PKD1L1: variants seen among roughly 807,000 people sequenced by gnomAD.
PKD1L1 encodes polycystin 1 like 1, transient receptor potential channel interacting, also known as polycystin-1-like protein 1.
In PKD1L1, 236 loss-of-function variants were observed where a neutral mutation model predicts 323.4. The observed-to-expected ratio is 0.73, with a 90% CI of 0.66 to 0.81. The LOEUF is 0.81. Among genes scored for constraint, PKD1L1 ranks in the 40% least tolerant of loss-of-function variants. The pLI is 0.00. For missense variants in PKD1L1, 3,320 were observed against 3,508.0 expected, an observed-to-expected ratio of 0.95 and a Z score of 1.35; for synonymous variants, 1,344 against 1,335.0, an observed-to-expected ratio of 1.01 and a Z score of -0.15.
intron 31 of PKD1L1, among the ~76,000 whole-genome samples, chr7:47,848,164 T>C (rs1267873562): frequency 1.3e-5 from 2 of 152,142 alleles, no homozygotes; most frequent in Non-Finnish European, 2.9e-5. Flanking sequence ...TGACAATACT[T>C]ACCAAAACCA....
Position 47,775,108 on chromosome 7 carries a change from A to G in PKD1L1, c.*35T>C, listed in dbSNP as rs1178931928. 1.9e-6 allele frequency: 3 copies of G among 1,607,352 alleles called. No individual in the cohort carries two copies. Among genetic ancestry groups the G allele is most frequent in the Non-Finnish European group, 2.5e-6 (3 of 1,177,192 alleles). Reference sequence around the variant, plus strand: ...GGCTGTTGGGTGGGTTAAGCAAAACAGGGTCCATAGTGCCTATGCAAGGTA... The same window carrying G: ...GGCTGTTGGGTGGGTTAAGCAAAACGGGGTCCATAGTGCCTATGCAAGGTA... On this transcript the variant is annotated 3_prime_UTR_variant, in exon 57 of 57. Transcript: ENST00000289672.
intron 6 of PKD1L1, 28 bp from the exon 7 acceptor site, chr7:47,929,554 T>C: frequency 6.3e-7 from 1 of 1,579,298 alleles, no homozygotes; most frequent in Non-Finnish European, 8.6e-7. Flanking sequence ...AGGCTTCAGA[T>C]TTCATGACAG....
At chr7:47,867,298 A>G (rs1786189135) in intron 24 of PKD1L1, among the ~76,000 whole-genome samples, 1 of 152,208 alleles carries the variant, frequency 6.6e-6, no homozygotes, top group African/African-American at 2.4e-5. Context: ...TGATTTATGG[A>G]GACTAAGACC....
chr7:47,836,962 C>T lies in PKD1L1; in HGVS notation c.5902G>A (p.Ala1968Thr), dbSNP rs755973494. The T allele has an allele frequency of 1.1e-5, 17 of 1,614,032 alleles. No homozygotes were observed. Among genetic ancestry groups the T allele is most frequent in the Non-Finnish European group, 1.4e-5 (16 of 1,180,042 alleles). ...TVSFSLLCVY[A>T]CLTALVAAGG... ...GCAGCAACCAGGGCAGTGAGACACG[C>T]GTAGACGCACAGCAGGGAGAAGGAC... The change falls in exon 37 of 57, where the codon GCG becomes ACG. Residue 1968 changes from alanine to threonine, a missense_variant. Transcript: ENST00000289672.
At position 47,945,379 on chromosome 7, in the gene PKD1L1, T is replaced by C. The variant is rs150778031; in HGVS notation, c.45-1868A>G. ...CAATTTTTACAAGCCTGGTTCTTGA[T>C]GCCCAAGAAGCCGCCACCAGAGGGC... On this transcript the variant is annotated intron_variant, in intron 1 of 56. Coordinates refer to ENST00000289672, the MANE Select transcript of PKD1L1 (RefSeq NM_138295.5). Among the ~76,000 whole-genome samples the C allele has an allele frequency of 5.1e-3, 777 of 152,318 alleles. 8 individuals are homozygous for C. The highest frequency in any genetic ancestry group is 0.018 in the African/African-American group (745 of 41,568).
intron 8 of PKD1L1, among the ~76,000 whole-genome samples, chr7:47,908,563 C>T (rs977080583): frequency 6.6e-6 from 1 of 152,174 alleles, no homozygotes; most frequent in African/African-American, 2.4e-5. Flanking sequence ...TGCCAATCCT[C>T]TGCAGTAGGA....
Position 47,905,286 on chromosome 7 carries a change from T to C in PKD1L1, c.1562A>G (p.Asp521Gly), listed in dbSNP as rs750160200. The change falls in exon 11 of 57, where the codon GAC becomes GGC. Residue 521 changes from aspartate (D) to glycine (G), a missense_variant. Transcript: ENST00000289672. ...AACAGCTGTAAATGTAATGTCTGTG[T>C]CTGTGGCAAACACAGTTCCATTTGT... ...VYTNGTVFAT[D>G]TDITFTAVTK... 6.2e-7 allele frequency: 1 copy of C among 1,614,174 alleles called. No homozygotes were observed. The highest frequency in any genetic ancestry group is 1.1e-5 in the South Asian group (1 of 91,080).
intron 34 of PKD1L1, among the ~76,000 whole-genome samples, chr7:47,842,060 A>T (rs1018933088): frequency 6.6e-6 from 1 of 152,354 alleles, no homozygotes; most frequent in East Asian, 1.9e-4. Flanking sequence ...TAGTACAATG[A>T]TAAATAGCAG....
chr7:47,919,820 T>C (rs113803325), intron 7 of PKD1L1, among the ~76,000 whole-genome samples: 6,116 of 152,280 alleles, frequency 0.04, 175 homozygotes, highest in Non-Finnish European at 0.061. Context: ...CCAGCATCCC[T>C]TTATGATTAA....
chr7:47,813,154 C>T lies in PKD1L1; in HGVS notation c.7313G>A (p.Arg2438Lys), dbSNP rs1335161663. The change falls in exon 49 of 57, where the codon AGG becomes AAG. Residue 2438 changes from arginine (R) to lysine (K), a missense_variant. Arg to Lys is a conservative substitution (Grantham distance 26). Transcript: ENST00000289672. ...GCCCAGGCTGAGCACACAGTCCTCCCTTGTCCCACAGCCCCCAGGACCATT... is the reference window on the plus strand; with the variant it reads ...GCCCAGGCTGAGCACACAGTCCTCCTTTGTCCCACAGCCCCCAGGACCATT... ...TLNGPGGCGT[R>K]EDCVLSLGRT... is the part of the protein sequence containing the mutation. The T allele has an allele frequency of 6.2e-7, 1 of 1,613,986 alleles. No homozygotes were observed.
chr7:47,831,355 G>A lies in PKD1L1; in HGVS notation c.6338-3C>T, dbSNP rs368979944. 2.0e-4 allele frequency: 315 copies of A among 1,610,262 alleles called. No homozygotes were observed. Among genetic ancestry groups the A allele is most frequent in the Non-Finnish European group, 2.4e-4 (281 of 1,178,764 alleles). On this transcript the variant is annotated splice_polypyrimidine_tract_variant and splice_region_variant and intron_variant, in intron 41 of 56. Coordinates refer to ENST00000289672, the MANE Select transcript of PKD1L1 (RefSeq NM_138295.5). Reference sequence around the variant, plus strand: ...TCCCTCCAAACCACTGCTGGGTGCTGCGGAAGAGTAGGACAGAGACAAGGC... The same window carrying A: ...TCCCTCCAAACCACTGCTGGGTGCTACGGAAGAGTAGGACAGAGACAAGGC...
At chr7:47,924,526 CT>C (rs1205743012) in intron 7 of PKD1L1, among the ~76,000 whole-genome samples, 1 of 152,138 alleles carries the variant, frequency 6.6e-6, no homozygotes, top group Non-Finnish European at 1.5e-5. Flanking sequence ...AATAGACAAC[CT>C]ATAGAAACAC....
intron 24 of PKD1L1, among the ~76,000 whole-genome samples, chr7:47,871,865 G>GA (rs756552721): frequency 2.0e-5 from 3 of 152,144 alleles, no homozygotes; most frequent in Non-Finnish European, 4.4e-5. Context: ...AAACTGAGAA[G>GA]AAGACCAGGA....
rs1362305135 is a variant in PKD1L1 at position 47,866,556 on chromosome 7, T to A, written c.3955A>T (p.Ile1319Phe). ...GTGATCACAGTGATGTAGTTCCTGA[T>A]TTCTGTGTAACTCCCCATCAGCTGG... ...TLQLMGSYTE[I>F]RNYITVITRI... The change falls in exon 25 of 57, where the codon ATC becomes TTC. Residue 1319 changes from isoleucine to phenylalanine, a missense_variant. Physicochemically the swap from Ile to Phe is conservative, Grantham distance 21. Coordinates refer to ENST00000289672, the MANE Select transcript of PKD1L1 (RefSeq NM_138295.5). 6.2e-7 allele frequency: 1 copy of A among 1,613,010 alleles called. No individual in the cohort carries two copies. The highest frequency in any genetic ancestry group is 1.1e-5 in the South Asian group (1 of 90,742).
intron 4 of PKD1L1, among the ~76,000 whole-genome samples, chr7:47,934,527 C>T (rs1012552807): frequency 2.6e-5 from 4 of 152,186 alleles, no homozygotes; most frequent in Non-Finnish European, 4.4e-5. Context: ...TAGTCACTTG[C>T]TTCCTATTTT....
At chr7:47,821,040 G>A in intron 46 of PKD1L1, 36 bp downstream of exon 46, 1 of 1,301,702 alleles carries the variant, frequency 7.7e-7, no homozygotes, top group Non-Finnish European at 1.1e-6. Context: ...ATAGTGCAAT[G>A]GCCCCAGATC....
chr7:47,800,553 T>C, intron 54 of PKD1L1, 96 bp downstream of exon 54: 1 of 1,259,414 alleles, frequency 7.9e-7, no homozygotes, highest in Non-Finnish European at 1.1e-6. Flanking sequence ...CTGGCCTGTG[T>C]TGCCTGGCCC....
Position 47,882,001 on chromosome 7 carries a change from G to A in PKD1L1, c.3350C>T (p.Ser1117Phe), listed in dbSNP as rs149129789. The A allele has an allele frequency of 2.5e-6, 4 of 1,614,096 alleles. No homozygotes were observed. In the African/African-American group the frequency reaches 4.0e-5, roughly 16 times the overall value. ...PGDGDNLVDP[S>F]LSAGRAEPVL... ...AGGCTCGGCTCTGCCTGCAGACAGG[G>A]AGGGGTCCACCAGGTTATCCCCATC... is the stretch of plus-strand genomic sequence containing the variant. Residue 1117 changes from serine (S) to phenylalanine (F), a missense_variant, in exon 20 of 57, where the codon TCC becomes TTC. Ser to Phe is a radical substitution (Grantham distance 155, BLOSUM62 -2). Transcript: ENST00000289672.
At chr7:47,776,980 C>G (rs1786582408) in intron 56 of PKD1L1, among the ~76,000 whole-genome samples, 1 of 152,152 alleles carries the variant, frequency 6.6e-6, no homozygotes. Flanking sequence ...CAACATCCGC[C>G]TCCCAGGTTC....
Sources: allele counts gnomAD v4.1 joint callset (sites outside exome capture counted in the v4.1 genomes callset), GRCh38; gene constraint gnomAD v4.1.1; transcripts MANE v1.5; gene names NCBI Gene and HGNC (gene_info 2026-07-23, HGNC 2026-07-21).